The following SCN9A variants were observed in gnomAD, a reference collection of about 807,000 sequenced individuals.
SCN9A encodes the protein sodium channel protein type 9 subunit alpha.
SCN9A carries 131 observed loss-of-function variants against 187.0 expected under a neutral mutation model. That is an observed-to-expected ratio of 0.70 (90% CI 0.61 to 0.81). The LOEUF (loss-of-function observed/expected upper bound fraction) is 0.81, where lower values mean the gene tolerates loss of function less well. Ranked by LOEUF, SCN9A falls within the 30% of genes least tolerant of loss-of-function variation. SCN9A has a pLI of 0.00. For missense variants in SCN9A, 2,252 were observed against 2,396.6 expected (o/e 0.94, Z 1.26); for synonymous variants, 809 against 808.6 (o/e 1.00, Z -0.01).
intron 9 of SCN9A, among the ~76,000 whole-genome samples, chr2:166,292,084 A>C (rs902995270): frequency 1.1e-4 from 17 of 152,320 alleles, no homozygotes; most frequent in African/African-American, 4.1e-4. Flanking sequence ...ATATAACTAA[A>C]CTAAAGAGCT....
At chr2:166,226,736 G>T in intron 23 of SCN9A, 32 bp from the exon 24 acceptor site, 2 of 1,486,590 alleles carry the variant, frequency 1.3e-6, no homozygotes, top group Non-Finnish European at 1.8e-6. Context: ...GCATTATATG[G>T]ACAGTAACAT....
intron 1 of SCN9A, among the ~76,000 whole-genome samples, chr2:166,353,424 T>C (rs1291541521): frequency 6.6e-6 from 1 of 152,190 alleles, no homozygotes; most frequent in Non-Finnish European, 1.5e-5. Context: ...ATGTACAGAA[T>C]AACCTGTCAT....
At chr2:166,370,367 C>A (rs1401445513) in intron 1 of SCN9A, among the ~76,000 whole-genome samples, 2 of 150,998 alleles carry the variant, frequency 1.3e-5, no homozygotes, top group Non-Finnish European at 3.0e-5. Context: ...CATGGTGAAA[C>A]TCCGTCTCTA....
At chr2:166,250,941 A>G (rs1004885064) in intron 18 of SCN9A, among the ~76,000 whole-genome samples, 1 of 151,960 alleles carries the variant, frequency 6.6e-6, no homozygotes, top group Non-Finnish European at 1.5e-5. Context: ...TAGATCATGA[A>G]GTTACTAATA....
In SCN9A at chr2:166,224,117, T is replaced by C. The variant is rs575768174; in HGVS notation, c.4398+2450A>G. Among the ~76,000 whole-genome samples the C allele has an allele frequency of 3.3e-5, 5 of 152,282 alleles. No individual in the cohort carries two copies. In the South Asian group the frequency reaches 1.0e-3, roughly 32 times the overall value. ...ACATTAACAAGCAGGAAGATTAAAG[T>C]CAATTGGATGTTGGCTGTTTTATTT... On this transcript the variant is annotated intron_variant, in intron 24 of 26. Coordinates refer to ENST00000642356, the MANE Select transcript of SCN9A (RefSeq NM_001365536.1).
intron 1 of SCN9A, among the ~76,000 whole-genome samples, chr2:166,330,868 C>CTGT (rs1175129330): frequency 6.6e-6 from 1 of 152,090 alleles, no homozygotes; most frequent in Non-Finnish European, 1.5e-5. Flanking sequence ...AGCCTGGTTC[C>CTGT]TAACAGGCCA....
chr2:166,209,370 A>G (rs1279948065), intron 24 of SCN9A, among the ~76,000 whole-genome samples: 2 of 152,196 alleles, frequency 1.3e-5, no homozygotes, highest in African/African-American at 4.8e-5. Flanking sequence ...AATTCAAAAT[A>G]ATTATCCTAA....
At chr2:166,238,741 T>G (rs10199202) in intron 19 of SCN9A, among the ~76,000 whole-genome samples, 122,036 of 152,130 alleles carry the variant, frequency 0.8, 49,532 homozygotes, top group Non-Finnish European at 0.86. Context: ...ACCATGTTAA[T>G]AACAGCAGCA....
chr2:166,294,182 G>A (rs1698200430), intron 8 of SCN9A, among the ~76,000 whole-genome samples: 2 of 152,298 alleles, frequency 1.3e-5, no homozygotes, highest in East Asian at 1.9e-4. Context: ...TTTGCTTAGA[G>A]TGGCCAAAAC....
chr2:166,251,886 C>G lies in SCN9A; in HGVS notation c.3352-1G>C. 1.2e-6 allele frequency: 2 copies of G among 1,611,974 alleles called. No individual in the cohort carries two copies. Among genetic ancestry groups the G allele is most frequent in the Non-Finnish European group, 1.7e-6 (2 of 1,178,812 alleles). The stretch of plus-strand genomic sequence containing the variant: ...CTGAGGAGCTTGACCGGTTTAATCT[C>G]TAGAAAGGAATTCACCACCCCACCA... On this transcript the variant is annotated splice_acceptor_variant, in intron 17 of 26. Transcript: ENST00000642356. LOFTEE classifies it high-confidence loss of function.
chr2:166,222,945 C>CGAAAAAAAAAAAAA (rs1694665596), intron 24 of SCN9A, among the ~76,000 whole-genome samples: 1 of 44,986 alleles, frequency 2.2e-5, no homozygotes, highest in Non-Finnish European at 4.0e-5. Flanking sequence ...AAAAAAACAA[C>CGAAAAAAAAAAAAA]AAAAAAAAAA....
chr2:166,208,796 C>T (rs1693940760), intron 24 of SCN9A, among the ~76,000 whole-genome samples: 1 of 152,272 alleles, frequency 6.6e-6, no homozygotes, highest in Non-Finnish European at 1.5e-5. Flanking sequence ...GGCAACATTG[C>T]ATTGTGGAAA....
In SCN9A at chr2:166,286,511, C is replaced by G; in HGVS notation, c.1427G>C (p.Arg476Thr). 6.2e-7 allele frequency: 1 copy of G among 1,613,418 alleles called. No individual in the cohort carries two copies. The highest frequency in any genetic ancestry group is 2.2e-5 in the East Asian group (1 of 44,860). The change falls in exon 11 of 27, where the codon AGA becomes ACA. Residue 476 changes from arginine (R) to threonine (T), a missense_variant. Arg to Thr is a moderately conservative substitution (Grantham distance 71). Transcript: ENST00000642356. Reference protein sequence around the residue: ...SKLSSKSAKERRNRRKKKNQK... With the variant: ...SKLSSKSAKETRNRRKKKNQK... Reference sequence around the variant, plus strand: ...ATTCTTTTTCTTTCTTCTGTTTCTTCTTTCTTTAGCACTTTTAGAGCTCAG... The same window carrying G: ...ATTCTTTTTCTTTCTTCTGTTTCTTGTTTCTTTAGCACTTTTAGAGCTCAG...
intron 24 of SCN9A, among the ~76,000 whole-genome samples, chr2:166,222,953 A>AAAAAAAAAAAAAAAAAAAAAC (rs1694674011): frequency 8.2e-6 from 1 of 121,756 alleles, no homozygotes; most frequent in Non-Finnish European, 1.8e-5. Flanking sequence ...AACAAAAAAA[A>AAAAAAAAAAAAAAAAAAAAAC]AAAAAAAAAA....
chr2:166,364,207 T>G (rs529093387), intron 1 of SCN9A, among the ~76,000 whole-genome samples: 1 of 151,280 alleles, frequency 6.6e-6, no homozygotes, highest in East Asian at 1.9e-4. Flanking sequence ...GTGGAGAAAT[T>G]GTAACCCTTG....
chr2:166,370,220 A>ATC (rs1553507698), intron 1 of SCN9A, among the ~76,000 whole-genome samples: 10,930 of 97,292 alleles, frequency 0.11, 589 homozygotes, highest in Admixed American at 0.18. Flanking sequence ...TAATAATAAT[A>ATC]ATAATAATAA....
intron 5 of SCN9A, among the ~76,000 whole-genome samples, chr2:166,304,852 G>A (rs189961043): frequency 1.4e-4 from 22 of 152,084 alleles, no homozygotes; most frequent in South Asian, 6.2e-4. Context: ...GTGATGTTGC[G>A]CAAGTTTGTC....
chr2:166,284,306 G>A, intron 12 of SCN9A, 147 bp downstream of exon 12: 9 of 900,010 alleles, frequency 1.0e-5, no homozygotes, highest in South Asian at 3.2e-5. Flanking sequence ...TGAGGATTAG[G>A]CTAATGAATC....
chr2:166,271,447 T>C (rs554678466), intron 17 of SCN9A, among the ~76,000 whole-genome samples: 1 of 152,112 alleles, frequency 6.6e-6, no homozygotes, highest in East Asian at 1.9e-4. Flanking sequence ...GTTTATGACC[T>C]AAAAGGAAAT....
Sources: gnomAD v4.1 joint callset for allele counts (sites outside exome capture counted in the v4.1 genomes callset) on GRCh38, gnomAD v4.1.1 for gene constraint, MANE v1.5 for transcripts, NCBI Gene and HGNC (gene_info 2026-07-23, HGNC 2026-07-21) for gene names.